Variants in IAPP observed in about 807,000 individuals in gnomAD.
IAPP encodes Islet amyloid polypeptide (diabetes-associated peptide; amylin).
A neutral mutation model predicts 2.9 loss-of-function variants in IAPP; 4 were observed. The observed-to-expected ratio is 1.39, with a 90% CI of 0.69 to 3.19. The LOEUF is 3.19. Among genes scored for constraint, IAPP ranks in the 30% most tolerant of loss-of-function variants. The pLI, the probability that IAPP is intolerant of heterozygous loss-of-function variation, is 0.01. For missense variants in IAPP, 114 were observed against 105.3 expected (o/e 1.08, Z -0.36); for synonymous variants, 40 against 42.1 (o/e 0.95, Z 0.19).
At chr12:21,360,269 A>T (rs1465403262) in intron 1 of IAPP, among the ~76,000 whole-genome samples, 1 of 152,204 alleles carries the variant, frequency 6.6e-6, no homozygotes, top group East Asian at 1.9e-4. Flanking sequence ...CATTGGCCAA[A>T]ACCAGTCAAA....
chr12:21,375,795 G>T (rs990829442), intron 2 of IAPP, among the ~76,000 whole-genome samples: 1 of 152,134 alleles, frequency 6.6e-6, no homozygotes, highest in Non-Finnish European at 1.5e-5. Context: ...TGTCATCTCT[G>T]TTTAAACTCT....
chr12:21,361,849 A>T (rs998708864), intron 1 of IAPP, among the ~76,000 whole-genome samples: 1 of 152,166 alleles, frequency 6.6e-6, no homozygotes, highest in Non-Finnish European at 1.5e-5. Flanking sequence ...TAGAGAAAAA[A>T]GAGTAAAAAG....
chr12:21,372,025 AAGAG>A (rs372931856), upstream of IAPP, among the ~76,000 whole-genome samples: 10 of 151,958 alleles, frequency 6.6e-5, no homozygotes, highest in Admixed American at 2.0e-4. Context: ...AAAAAAAAGA[AAGAG>A]AGAAAGAAAT....
At chr12:21,356,689 C>A (rs1407347954) in intron 1 of IAPP, among the ~76,000 whole-genome samples, 1 of 152,068 alleles carries the variant, frequency 6.6e-6, no homozygotes, top group Non-Finnish European at 1.5e-5. Flanking sequence ...AAAACAACTT[C>A]ATGAAGCAGA....
At chr12:21,359,090 A>T (rs1938608716) in intron 1 of IAPP, among the ~76,000 whole-genome samples, 1 of 152,122 alleles carries the variant, frequency 6.6e-6, no homozygotes, top group African/African-American at 2.4e-5. Flanking sequence ...GGATTTTTAG[A>T]CCCCAGAAAA....
chr12:21,363,278 C>T (rs1191481967), intron 1 of IAPP, among the ~76,000 whole-genome samples: 2 of 152,136 alleles, frequency 1.3e-5, no homozygotes, highest in East Asian at 1.9e-4. Flanking sequence ...AACTGAACAA[C>T]CTGCTCCTGA....
upstream of IAPP, among the ~76,000 whole-genome samples, chr12:21,370,721 T>C (rs1272595839): frequency 2.0e-5 from 3 of 152,154 alleles, no homozygotes; most frequent in Non-Finnish European, 1.5e-5. Flanking sequence ...AAGCAAGTAT[T>C]TTTGTCTAAA....
Position 21,378,349 on chromosome 12 carries a change from G to A in IAPP, c.193G>A (p.Val65Met), listed in dbSNP as rs143322681. 3.2e-5 allele frequency: 51 copies of A among 1,613,976 alleles called. No individual in the cohort carries two copies. Among genetic ancestry groups the A allele is most frequent in the African/African-American group, 1.6e-4 (12 of 74,910 alleles). Residue 65 changes from valine to methionine, a missense_variant, in exon 3 of 3, where the codon GTG becomes ATG. Coordinates refer to ENST00000240652, the MANE Select transcript of IAPP (RefSeq NM_000415.3). ...NFGAILSSTN[V>M]GSNTYGKRNA... The stretch of plus-strand genomic sequence containing the variant: ...TGGTGCCATTCTCTCATCTACCAAC[G>A]TGGGATCCAATACATATGGCAAGAG...
intron 1 of IAPP, among the ~76,000 whole-genome samples, chr12:21,357,843 G>GA (rs1376833000): frequency 6.6e-6 from 1 of 152,108 alleles, no homozygotes; most frequent in Non-Finnish European, 1.5e-5. Context: ...AACAGTATTA[G>GA]AAAACACATG....
At chr12:21,371,819 A>G (rs1184756112), upstream of IAPP, among the ~76,000 whole-genome samples, 1 of 152,156 alleles carries the variant, frequency 6.6e-6, no homozygotes, top group Non-Finnish European at 1.5e-5. Flanking sequence ...CCTGACCAAC[A>G]TAGAGAATCC....
upstream of IAPP, among the ~76,000 whole-genome samples, chr12:21,370,840 T>C (rs1939731726): frequency 1.3e-5 from 2 of 152,210 alleles, no homozygotes; most frequent in Non-Finnish European, 2.9e-5. Context: ...GTATGCTTTC[T>C]ACATCACTGT....
intron 2 of IAPP, among the ~76,000 whole-genome samples, chr12:21,377,332 G>T (rs1446094397): frequency 6.6e-6 from 1 of 152,042 alleles, no homozygotes; most frequent in Non-Finnish European, 1.5e-5. Context: ...TTCTTTTGGA[G>T]ACTTTATGAT....
intron 1 of IAPP, among the ~76,000 whole-genome samples, chr12:21,366,864 A>T (rs1439475819): frequency 1.3e-5 from 2 of 152,044 alleles, no homozygotes; most frequent in Non-Finnish European, 2.9e-5. Flanking sequence ...AATAGTGAAA[A>T]TATATATAAA....
Position 21,357,291 on chromosome 12 carries a change from A to G in IAPP, c.-16+2278A>G, listed in dbSNP as rs555519465. ...GTATAAAAAGGGGAAGTTTGGTCAC[A>G]GAGACACACACACAGGGATAATGCC... On this transcript the variant is annotated intron_variant, in intron 1 of 2. Transcript: ENST00000539393. 1.6e-4 allele frequency among the ~76,000 whole-genome samples: 24 copies of G among 152,342 alleles called. No individual in the cohort carries two copies. In the South Asian group the frequency reaches 4.3e-3, roughly 28 times the overall value.
chr12:21,378,256 A>G lies in IAPP; in HGVS notation c.100A>G (p.Lys34Glu). 1 of 1,614,224 alleles carries G rather than the reference A, an allele frequency of 6.2e-7. No homozygotes were observed. Among genetic ancestry groups the G allele is most frequent in the Non-Finnish European group, 8.5e-7 (1 of 1,180,030 alleles). Residue 34 changes from lysine to glutamate, a missense_variant, in exon 3 of 3, where the codon AAA (lysine) becomes GAA (glutamate). Lys to Glu is a moderately conservative substitution (Grantham distance 56). Coordinates refer to ENST00000240652, the MANE Select transcript of IAPP (RefSeq NM_000415.3). Reference protein sequence around the residue: ...PIESHQVEKRKCNTATCATQR... With the variant: ...PIESHQVEKRECNTATCATQR... ...TACCAGTCATCAGGTGGAAAAGCGG[A>G]AATGCAACACTGCCACATGTGCAAC...
chr12:21,362,695 A>G (rs1201537481), intron 1 of IAPP, among the ~76,000 whole-genome samples: 1 of 152,180 alleles, frequency 6.6e-6, no homozygotes, highest in African/African-American at 2.4e-5. Context: ...AAATAAAGGG[A>G]TGGAGGAAGA....
intron 1 of IAPP, among the ~76,000 whole-genome samples, chr12:21,356,591 G>A (rs1938386045): frequency 6.6e-6 from 1 of 152,090 alleles, no homozygotes; most frequent in African/African-American, 2.4e-5. Context: ...AGCATTAAAT[G>A]TGACATAGAA....
chr12:21,369,641 G>A (rs1591890534), upstream of IAPP, among the ~76,000 whole-genome samples: 1 of 152,192 alleles, frequency 6.6e-6, no homozygotes, highest in African/African-American at 2.4e-5. Flanking sequence ...TTCTCCAACT[G>A]TAGTGTGTAT....
upstream of IAPP, among the ~76,000 whole-genome samples, chr12:21,369,450 G>A (rs1939626497): frequency 1.3e-5 from 2 of 152,154 alleles, no homozygotes; most frequent in Admixed American, 1.3e-4. Context: ...ATGAGAATTT[G>A]TCTTTCACTC....
Sources: gnomAD v4.1 joint callset for allele counts (sites outside exome capture counted in the v4.1 genomes callset) on GRCh38, gnomAD v4.1.1 for gene constraint, MANE v1.5 for transcripts, NCBI Gene and HGNC (gene_info 2026-07-23, HGNC 2026-07-21) for gene names.